STARD13: variants seen among roughly 807,000 people sequenced by gnomAD.
The protein encoded by STARD13 is stAR-related lipid transfer protein 13.
STARD13 carries 62 observed loss-of-function variants against 106.4 expected under a neutral mutation model. The ratio of observed to expected loss-of-function variants is 0.58; its 90% CI spans 0.48 to 0.72. The LOEUF is 0.72. Among genes scored for constraint, STARD13 ranks in the 30% least tolerant of loss-of-function variants. The pLI is 0.00. For missense variants in STARD13, 1,387 were observed against 1,424.0 expected, an observed-to-expected ratio of 0.97 and a Z score of 0.42; for synonymous variants, 565 against 553.0, an observed-to-expected ratio of 1.02 and a Z score of -0.31.
At chr13:33,275,174 GT>G (rs1344125638) in intron 1 of STARD13, among the ~76,000 whole-genome samples, 1 of 151,986 alleles carries the variant, frequency 6.6e-6, no homozygotes, top group Non-Finnish European at 1.5e-5. Context: ...AAAGGCAATG[GT>G]TTTCATTACA....
chr13:33,212,768 C>T (rs995111165), intron 1 of STARD13, among the ~76,000 whole-genome samples: 3 of 152,172 alleles, frequency 2.0e-5, no homozygotes, highest in African/African-American at 7.2e-5. Flanking sequence ...AAACCCTTTC[C>T]AGAATTTTAC....
chr13:33,393,114 T>G, the STARD13 span, among the ~76,000 whole-genome samples: 3 of 152,238 alleles, frequency 2.0e-5, no homozygotes, highest in Admixed American at 6.5e-5. Flanking sequence ...TCTTAGGTGT[T>G]TGCTCTTGGC....
Position 33,130,418 on chromosome 13 carries a change from G to A in STARD13, c.388-129C>T. 1 of 832,890 alleles carries A rather than the reference G, an allele frequency of 1.2e-6. No individual in the cohort carries two copies. The highest frequency in any genetic ancestry group is 1.9e-6 in the Non-Finnish European group (1 of 538,004). 51.6% of individuals were successfully genotyped at this position (832,890 alleles called of 1,614,324 possible). On this transcript the variant is annotated intron_variant, in intron 4 of 13. Coordinates refer to ENST00000336934, the MANE Select transcript of STARD13 (RefSeq NM_178006.4). This position sits in a 1 kb window ranked among gnomAD's most constrained non-coding sequence, Gnocchi z 4.1. ...TCTGTCCTCCCATGCACAGGTGTGA[G>A]CTTCTTGGGCACCTCTAAGCTGTCC...
Position 33,350,331 on chromosome 13 carries a change from C to T in STARD13, c.83G>A (p.Trp28Ter). The T allele has an allele frequency of 6.5e-7, 1 of 1,534,580 alleles. No individual in the cohort carries two copies. The highest frequency in any genetic ancestry group is 1.2e-5 in the South Asian group (1 of 83,838). The stretch of plus-strand genomic sequence containing the variant: ...CCGGACGTTCTTCCACAGCAGATCC[C>T]AGGCTCTGGCCGTGGAGTCCCGCAA... The change falls in exon 1 of 2, where the codon TGG (tryptophan) becomes TAG (stop). Residue 28 changes from tryptophan (W) to a stop codon, truncating the protein, a stop_gained. Coordinates refer to the STARD13 transcript ENST00000439831. LOFTEE classifies it low-confidence loss of function (END_TRUNC).
chr13:33,378,592 C>A, the STARD13 span, among the ~76,000 whole-genome samples: 1 of 152,078 alleles, frequency 6.6e-6, no homozygotes, highest in Non-Finnish European at 1.5e-5. Context: ...AGTTCGAGAC[C>A]AGCCTGGCCA....
At chr13:33,150,087 T>C (rs1230168433) in intron 3 of STARD13, among the ~76,000 whole-genome samples, 1 of 152,238 alleles carries the variant, frequency 6.6e-6, no homozygotes, top group Non-Finnish European at 1.5e-5. Context: ...CATAATTTAT[T>C]CTTCTTCTAA....
chr13:33,180,367 A>T (rs1257709560), intron 1 of STARD13: 1 of 152,246 alleles, frequency 6.6e-6, no homozygotes, highest in East Asian at 1.9e-4. Flanking sequence ...TAGCAATCAC[A>T]TGCCTGATAT....
chr13:33,616,124 G>A, the STARD13 span, among the ~76,000 whole-genome samples: 1 of 150,782 alleles, frequency 6.6e-6, no homozygotes, highest in East Asian at 2.0e-4. Flanking sequence ...GAAAAAGGAG[G>A]AAAGGAAGGA....
chr13:33,118,127 C>G lies in STARD13; in HGVS notation c.2219G>C (p.Arg740Pro). The change falls in exon 8 of 14, where the codon CGG (arginine) becomes CCG (proline). Residue 740 changes from arginine to proline, a missense_variant. By Grantham distance (103) the Arg-to-Pro change is moderately radical. Transcript: ENST00000336934. ...GGTGAAAAGAGGCTCAGGGAGGTCC[C>G]GGAAGAACTGTTTCACCATATCCGC... ...DVADMVKQFF[R>P]DLPEPLFTNK... The G allele has an allele frequency of 6.2e-7, 1 of 1,614,130 alleles. No individual in the cohort carries two copies. The highest frequency in any genetic ancestry group is 8.5e-7 in the Non-Finnish European group (1 of 1,180,024).
the STARD13 span, among the ~76,000 whole-genome samples, chr13:33,436,236 T>A: frequency 6.6e-6 from 1 of 152,234 alleles, no homozygotes; most frequent in Non-Finnish European, 1.5e-5. Flanking sequence ...TTTATTTTCC[T>A]TAGGTTTTAA....
the STARD13 span, among the ~76,000 whole-genome samples, chr13:33,513,126 G>A: frequency 1.3e-5 from 2 of 152,172 alleles, no homozygotes; most frequent in African/African-American, 4.8e-5. Flanking sequence ...TTTACTATCT[G>A]GCCCTTTACA....
chr13:33,441,772 G>A, the STARD13 span, among the ~76,000 whole-genome samples: 2 of 152,174 alleles, frequency 1.3e-5, no homozygotes, highest in African/African-American at 4.8e-5. Context: ...CATTGTTTGT[G>A]TTTCTCCCTA....
At chr13:33,158,866 A>T (rs1004287275) in intron 3 of STARD13, 1 of 152,254 alleles carries the variant, frequency 6.6e-6, no homozygotes, top group Non-Finnish European at 1.5e-5. Flanking sequence ...TTTGTAGCCA[A>T]GCCACCTCCA....
chr13:33,274,590 C>A (rs1321492368), intron 1 of STARD13, among the ~76,000 whole-genome samples: 1 of 152,130 alleles, frequency 6.6e-6, no homozygotes, highest in East Asian at 1.9e-4. Context: ...GTAGCACTAG[C>A]CTTTGGGCAA....
chr13:33,308,224 C>G (rs1183508869), intron 1 of STARD13, among the ~76,000 whole-genome samples: 1 of 152,100 alleles, frequency 6.6e-6, no homozygotes, highest in African/African-American at 2.4e-5. Flanking sequence ...TTAGCTGTTG[C>G]TTATTTCTTC....
intron 4 of STARD13, among the ~76,000 whole-genome samples, chr13:33,138,265 T>C (rs780046117): frequency 1.5e-3 from 225 of 152,314 alleles, no homozygotes; most frequent in Non-Finnish European, 2.4e-3. Flanking sequence ...CTGAATCACA[T>C]AAACACTTTA....
intron 1 of STARD13, chr13:33,271,306 T>C (rs1288470656): frequency 6.6e-6 from 1 of 152,386 alleles, no homozygotes; most frequent in African/African-American, 2.4e-5. Flanking sequence ...CCAGATCCAC[T>C]GTCTAGAGAA....
chr13:33,501,790 A>G, the STARD13 span, among the ~76,000 whole-genome samples: 1 of 152,028 alleles, frequency 6.6e-6, no homozygotes, highest in Non-Finnish European at 1.5e-5. Context: ...GCCTTGTAGT[A>G]TAGTTTGAAG....
chr13:33,201,329 A>G (rs1232645037), intron 1 of STARD13, among the ~76,000 whole-genome samples: 2 of 152,236 alleles, frequency 1.3e-5, no homozygotes, highest in Non-Finnish European at 2.9e-5. Context: ...TGGCCCCATC[A>G]AATCCCGTGT....
Sources: gnomAD v4.1 joint callset for allele counts (sites outside exome capture counted in the v4.1 genomes callset) on GRCh38, gnomAD v4.1.1 for gene constraint, Gnocchi (gnomAD v3.1) non-coding constraint, MANE v1.5 for transcripts, NCBI Gene and HGNC (gene_info 2026-07-23, HGNC 2026-07-21) for gene names.